Variants in NAALADL2 observed in about 807,000 individuals in gnomAD.
NAALADL2 encodes the protein N-acetylated alpha-linked acidic dipeptidase like 2.
Under a neutral mutation model 87.2 loss-of-function variants are expected in NAALADL2, and 76 were observed. The ratio of observed to expected loss-of-function variants is 0.87; its 90% CI spans 0.72 to 1.05. NAALADL2 has a LOEUF of 1.05. NAALADL2 is among the 50% of genes least tolerant of loss of function. The pLI is 0.00. For synonymous variants in NAALADL2, 354 were observed against 331.0 expected, an observed-to-expected ratio of 1.07 and a Z score of -0.75; for missense variants, 1,089 against 945.8, an observed-to-expected ratio of 1.15 and a Z score of -1.99.
chr3:175,104,794 A>G (rs1231254580), intron 2 of NAALADL2, among the ~76,000 whole-genome samples: 1 of 152,192 alleles, frequency 6.6e-6, no homozygotes, highest in Non-Finnish European at 1.5e-5. Context: ...TGATCTCTCC[A>G]GATAACAAAT....
intron 1 of NAALADL2, among the ~76,000 whole-genome samples, chr3:174,527,987 A>G (rs1004165799): frequency 1.3e-5 from 2 of 152,224 alleles, no homozygotes; most frequent in Non-Finnish European, 2.9e-5. Flanking sequence ...ACAGCCATGC[A>G]CATTCATTTA....
At chr3:175,507,777 A>G (rs1730556567) in intron 9 of NAALADL2, among the ~76,000 whole-genome samples, 1 of 152,074 alleles carries the variant, frequency 6.6e-6, no homozygotes, top group Non-Finnish European at 1.5e-5. Context: ...GTTTCTTGCC[A>G]TCTCTGTATT....
chr3:175,174,843 GACACACACAC>G (rs139298739), intron 2 of NAALADL2, among the ~76,000 whole-genome samples: 2 of 150,550 alleles, frequency 1.3e-5, no homozygotes, highest in Non-Finnish European at 1.5e-5. Context: ...CATGCACACA[GACACACACAC>G]ACACACACAC....
intron 9 of NAALADL2, among the ~76,000 whole-genome samples, chr3:175,536,494 A>G (rs986743021): frequency 2.0e-5 from 3 of 152,172 alleles, no homozygotes; most frequent in Non-Finnish European, 4.4e-5. Flanking sequence ...TTTACTGTAC[A>G]TGATAGTAAC....
chr3:175,598,576 C>G (rs1722549328), intron 10 of NAALADL2, among the ~76,000 whole-genome samples: 1 of 152,050 alleles, frequency 6.6e-6, no homozygotes, highest in South Asian at 2.1e-4. Flanking sequence ...AAGACTAAGA[C>G]AGTCATATTA....
chr3:174,975,364 C>T (rs759503381), intron 1 of NAALADL2, among the ~76,000 whole-genome samples: 2 of 152,182 alleles, frequency 1.3e-5, no homozygotes, highest in Non-Finnish European at 2.9e-5. Context: ...AATAGCTACA[C>T]TACTTCCAGT....
chr3:175,159,831 CTTTTCT>C lies in NAALADL2; in HGVS notation c.545+62556_545+62561del, dbSNP rs1313367625. Among the ~76,000 whole-genome samples, 8 of 150,648 alleles carry C rather than the reference CTTTTCT, an allele frequency of 5.3e-5. No individual in the cohort carries two copies. The East Asian group carries it at 5.9e-4, about 11-fold the overall frequency. On this transcript the variant is annotated intron_variant, in intron 2 of 13. Transcript: ENST00000454872. Reference sequence around the variant, plus strand: ...TTCCTTCCTTCCTTCCTCTCTCTCTCTTTTCTTTTTCTTTTTCTTTTCTTTCTCAGA... The same window carrying C: ...TTCCTTCCTTCCTTCCTCTCTCTCTCTTTTCTTTTTCTTTTCTTTCTCAGA...
chr3:175,364,222 A>T (rs1456203963), intron 5 of NAALADL2, among the ~76,000 whole-genome samples: 1 of 148,130 alleles, frequency 6.8e-6, no homozygotes, highest in Non-Finnish European at 1.5e-5. Flanking sequence ...TTGGAAATAT[A>T]TAAAGGGTCC....
At chr3:174,748,132 A>T (rs548188000) in intron 3 of NAALADL2, among the ~76,000 whole-genome samples, 4 of 152,052 alleles carry the variant, frequency 2.6e-5, no homozygotes, top group Admixed American at 2.6e-4. Flanking sequence ...AGACACAGGG[A>T]GGGGAACAAC....
chr3:175,185,698 A>AT (rs906475338), intron 2 of NAALADL2, among the ~76,000 whole-genome samples: 2 of 151,108 alleles, frequency 1.3e-5, no homozygotes, highest in South Asian at 2.1e-4. Context: ...TTAAGCTAGT[A>AT]TTTTTTGTAT....
intron 3 of NAALADL2, among the ~76,000 whole-genome samples, chr3:175,236,922 A>G: frequency 6.6e-6 from 1 of 152,092 alleles, no homozygotes; most frequent in South Asian, 2.1e-4. Flanking sequence ...TATTTTCTTT[A>G]TTCTTTCACA....
chr3:175,473,616 A>G (rs1029651113), intron 9 of NAALADL2, among the ~76,000 whole-genome samples: 1 of 151,782 alleles, frequency 6.6e-6, no homozygotes, highest in African/African-American at 2.4e-5. Flanking sequence ...TTAAAAAATT[A>G]TATATTTTTA....
At chr3:174,974,739 C>T (rs1480796532) in intron 1 of NAALADL2, among the ~76,000 whole-genome samples, 1 of 152,026 alleles carries the variant, frequency 6.6e-6, no homozygotes, top group African/African-American at 2.4e-5. Context: ...TTTAATTTTA[C>T]TCACAGGCTT....
intron 1 of NAALADL2, among the ~76,000 whole-genome samples, chr3:174,465,738 T>G (rs553990556): frequency 6.6e-6 from 1 of 152,344 alleles, no homozygotes; most frequent in African/African-American, 2.4e-5. Flanking sequence ...AATATTTTGT[T>G]AATGTATTTG....
chr3:175,489,952 T>C (rs1187114108), intron 9 of NAALADL2, among the ~76,000 whole-genome samples: 2 of 152,170 alleles, frequency 1.3e-5, no homozygotes, highest in Non-Finnish European at 2.9e-5. Flanking sequence ...CCTAGATTTT[T>C]CTTGGTACCC....
At chr3:174,970,983 T>C (rs113915407) in intron 1 of NAALADL2, among the ~76,000 whole-genome samples, 3 of 152,240 alleles carry the variant, frequency 2.0e-5, no homozygotes, top group African/African-American at 7.2e-5. Flanking sequence ...GACTTACAGG[T>C]CCACATGGCT....
At chr3:175,419,202 C>CTT (rs1715220345) in intron 5 of NAALADL2, among the ~76,000 whole-genome samples, 5 of 151,754 alleles carry the variant, frequency 3.3e-5, no homozygotes, top group Non-Finnish European at 1.5e-5. Flanking sequence ...TTTCAAGTAT[C>CTT]CTTCTCAGTT....
chr3:174,891,407 A>G (rs1730859116), intron 1 of NAALADL2, among the ~76,000 whole-genome samples: 1 of 151,978 alleles, frequency 6.6e-6, no homozygotes, highest in Non-Finnish European at 1.5e-5. Context: ...AGAACTGAAG[A>G]TATAGAAAAA....
intron 1 of NAALADL2, among the ~76,000 whole-genome samples, chr3:174,441,339 C>G (rs1714599698): frequency 6.6e-6 from 1 of 152,182 alleles, no homozygotes; most frequent in Non-Finnish European, 1.5e-5. Flanking sequence ...TCCAAGGCCC[C>G]CGCCCACCTC....
Sources: allele counts gnomAD v4.1 joint callset (sites outside exome capture counted in the v4.1 genomes callset), GRCh38; gene constraint gnomAD v4.1.1; transcripts MANE v1.5; gene names NCBI Gene and HGNC (gene_info 2026-07-23, HGNC 2026-07-21).